Variants in FAM193A observed in about 807,000 individuals in gnomAD.
FAM193A encodes the protein protein FAM193A.
FAM193A carries 22 observed loss-of-function variants against 126.5 expected under a neutral mutation model. The observed-to-expected ratio is 0.17, with a 90% CI of 0.12 to 0.25. The LOEUF is 0.25. Ranked by LOEUF, FAM193A falls within the 10% of genes least tolerant of loss-of-function variation. The pLI is 1.00. For missense variants in FAM193A, 1,675 were observed against 1,672.8 expected (o/e 1.00, Z -0.02); for synonymous variants, 761 against 646.8 (o/e 1.18, Z -2.68).
rs777423493 is a variant in FAM193A, at chr4:2,689,513, C to T, written c.2339C>T (p.Pro780Leu). ...GAAAATTTTTTTTTGTAGGCTTTAC[C>T]GCCAGCACCTGTTCAGAATCACACA... ...TPPFTHSKALPPAPVQNHTNK... is the reference protein window; with the variant it reads ...TPPFTHSKALLPAPVQNHTNK... The change falls in exon 14 of 21, where the codon CCG becomes CTG. Residue 780 changes from proline to leucine, a missense_variant. Around this residue, in one of 4 missense-constraint regions of FAM193A, gnomAD observed 1,186 missense variants for 1,109.2 expected, o/e 1.07. Coordinates refer to ENST00000637812, the MANE Select transcript of FAM193A (RefSeq NM_001366318.2). The T allele has an allele frequency of 9.0e-6, 14 of 1,547,294 alleles. No homozygotes were observed. Among genetic ancestry groups the T allele is most frequent in the East Asian group, 2.4e-5 (1 of 40,932 alleles).
chr4:2,717,454 G>T (rs1337307727), intron 20 of FAM193A, among the ~76,000 whole-genome samples: 1 of 151,972 alleles, frequency 6.6e-6, no homozygotes, highest in East Asian at 1.9e-4. Flanking sequence ...AAATTACCTG[G>T]ACGTGGTGAC....
chr4:2,703,307 C>T (rs1190372557), intron 19 of FAM193A, among the ~76,000 whole-genome samples: 1 of 152,222 alleles, frequency 6.6e-6, no homozygotes, highest in Non-Finnish European at 1.5e-5. Context: ...AGTGCAATGG[C>T]GCAATCTCGG....
chr4:2,726,982 C>T (rs1056069281), intron 20 of FAM193A, among the ~76,000 whole-genome samples: 2 of 150,400 alleles, frequency 1.3e-5, no homozygotes, highest in African/African-American at 4.9e-5. Flanking sequence ...TGTGACCAGC[C>T]GGGCGCAGTG....
rs780454424 is a variant in FAM193A, at chr4:2,700,033, G to A, written c.3861G>A (p.Arg1287=). 9 of 1,613,928 alleles carry A rather than the reference G, an allele frequency of 5.6e-6. No homozygotes were observed. The highest frequency in any genetic ancestry group is 6.8e-6 in the Non-Finnish European group (8 of 1,179,992). ...GGCATATGAACCACTCAGAGCCCAGGCCAGGGCTAGGGGCTGATGGGGATG... is the reference window on the plus strand; with the variant it reads ...GGCATATGAACCACTCAGAGCCCAGACCAGGGCTAGGGGCTGATGGGGATG... ...PSRHMNHSEP[R]PGLGADGDAA... is the part of the protein sequence containing the mutation. Residue 1287 remains arginine, a synonymous_variant, in exon 19 of 21, where the codon AGG becomes AGA. Transcript: ENST00000637812.
intron 2 of FAM193A, chr4:2,607,915 A>G (rs1242726625): frequency 3.6e-6 from 4 of 1,124,294 alleles, no homozygotes; most frequent in African/African-American, 1.6e-5. Context: ...GTTTTTCACT[A>G]TGTGATGGTG....
intron 1 of FAM193A, among the ~76,000 whole-genome samples, chr4:2,593,572 A>AC (rs1229218867): frequency 6.6e-6 from 1 of 152,088 alleles, no homozygotes; most frequent in African/African-American, 2.4e-5. Context: ...AGTTTTCTTC[A>AC]CCATTGTGCC....
intron 1 of FAM193A, among the ~76,000 whole-genome samples, chr4:2,552,320 T>C (rs2108822546): frequency 6.6e-6 from 1 of 151,322 alleles, no homozygotes; most frequent in South Asian, 2.1e-4. Flanking sequence ...TGATTTTTTT[T>C]TGGTATTTTT....
chr4:2,631,603 T>G (rs1743594390), intron 5 of FAM193A, among the ~76,000 whole-genome samples: 1 of 152,256 alleles, frequency 6.6e-6, no homozygotes, highest in South Asian at 2.1e-4. Context: ...ACAGCTTGTT[T>G]ACCGCCCAGT....
At chr4:2,641,542 C>G (rs949916119) in intron 6 of FAM193A, among the ~76,000 whole-genome samples, 2 of 152,110 alleles carry the variant, frequency 1.3e-5, no homozygotes, top group Non-Finnish European at 2.9e-5. Flanking sequence ...GTAGTCCCAG[C>G]TACTTGGGAG....
chr4:2,568,323 G>C (rs970606589), intron 1 of FAM193A, among the ~76,000 whole-genome samples: 2 of 152,100 alleles, frequency 1.3e-5, no homozygotes, highest in African/African-American at 4.8e-5. Flanking sequence ...AATCAAGTAA[G>C]ATACAGAATT....
chr4:2,631,184 G>T lies in FAM193A; in HGVS notation c.1038+15G>T. ...TTGGCACTCTGGTAAGAGAGAAAAC[G>T]TGTTTTTCTTTCTGTTTGGATGAGC... is the stretch of plus-strand genomic sequence containing the variant. On this transcript the variant is annotated intron_variant, in intron 5 of 20. Transcript: ENST00000637812. 6.3e-6 allele frequency: 10 copies of T among 1,588,420 alleles called. No individual in the cohort carries two copies. The highest frequency in any genetic ancestry group is 5.2e-6 in the Non-Finnish European group (6 of 1,164,514).
intron 1 of FAM193A, among the ~76,000 whole-genome samples, chr4:2,542,947 C>T (rs1055229723): frequency 6.6e-6 from 1 of 152,014 alleles, no homozygotes; most frequent in South Asian, 2.1e-4. Flanking sequence ...GGAGGAGGAC[C>T]ATGGGAGAAG....
At chr4:2,586,382 A>G (rs541762721) in intron 1 of FAM193A, among the ~76,000 whole-genome samples, 81 of 152,172 alleles carry the variant, frequency 5.3e-4, no homozygotes, top group African/African-American at 2.0e-3. Flanking sequence ...ATTTAGGTCT[A>G]TAATTAAAGA....
chr4:2,597,449 T>C (rs1740928738), intron 2 of FAM193A, among the ~76,000 whole-genome samples: 1 of 152,222 alleles, frequency 6.6e-6, no homozygotes, highest in Admixed American at 6.5e-5. Context: ...GCCCTGCTCT[T>C]GTATTTTAGC....
intron 20 of FAM193A, among the ~76,000 whole-genome samples, chr4:2,728,321 C>G (rs900379869): frequency 6.8e-6 from 1 of 146,976 alleles, no homozygotes; most frequent in African/African-American, 2.5e-5. Context: ...CTTTCCACCT[C>G]AGTCTTCCAA....
intron 1 of FAM193A, among the ~76,000 whole-genome samples, chr4:2,577,422 G>GTTTTTTTGTTTTTTTTTTTTTT (rs1553888656): frequency 8.7e-6 from 1 of 115,540 alleles, no homozygotes; most frequent in Non-Finnish European, 1.7e-5. Context: ...TTTTTTTTTT[G>GTTTTTTTGTTTTTTTTTTTTTT]TTTTTTTTTT....
intron 7 of FAM193A, among the ~76,000 whole-genome samples, chr4:2,652,667 C>A (rs1488056795): frequency 6.6e-6 from 1 of 152,144 alleles, no homozygotes; most frequent in Non-Finnish European, 1.5e-5. Flanking sequence ...ATGATCTGAT[C>A]ACCTCCCACC....
Position 2,590,493 on chromosome 4 carries a change from AAACAAAAAAAAACAAAAAAAAAAC to A in FAM193A, c.256-5588_256-5565del, listed in dbSNP as rs1560464595. Among the ~76,000 whole-genome samples, 12 of 86,416 alleles carry A rather than the reference AAACAAAAAAAAACAAAAAAAAAAC, an allele frequency of 1.4e-4. 1 individual carries two copies. Among genetic ancestry groups the A allele is most frequent in the African/African-American group, 1.1e-3 (11 of 9,840 alleles). The allele number at this position is 86,416 out of a possible 152,430, so 56.7% of individuals were successfully genotyped here. ...AAAAAAAACAAAAAAAAACAAAAAA[AAACAAAAAAAAACAAAAAAAAAAC>A]AAAACAAAATTAAAAAACAGAAAAT... On this transcript the variant is annotated intron_variant, in intron 1 of 20. Transcript: ENST00000637812.
intron 20 of FAM193A, among the ~76,000 whole-genome samples, chr4:2,718,342 G>A (rs1242167385): frequency 6.6e-6 from 1 of 151,874 alleles, no homozygotes; most frequent in Non-Finnish European, 1.5e-5. Flanking sequence ...GAATTAAGAT[G>A]TTGATAACTA....
Sources: gnomAD v4.1 joint callset for allele counts (sites outside exome capture counted in the v4.1 genomes callset) on GRCh38, gnomAD v4.1.1 for gene constraint, gnomAD v4.1.1 regional missense constraint, MANE v1.5 for transcripts, NCBI Gene and HGNC (gene_info 2026-07-23, HGNC 2026-07-21) for gene names.